GXYLT1: variants seen among roughly 807,000 people sequenced by gnomAD.
GXYLT1 encodes the protein glucoside xylosyltransferase 1.
A neutral mutation model predicts 54.0 loss-of-function variants in GXYLT1; 29 were observed. That is an observed-to-expected ratio of 0.54 (90% CI 0.40 to 0.73). The LOEUF (loss-of-function observed/expected upper bound fraction) is 0.73. GXYLT1 is among the 30% of genes least tolerant of loss of function. The probability of loss-of-function intolerance (pLI) is 0.00; values close to 1 mark genes in which losing one functional copy is unlikely to be tolerated. For missense variants in GXYLT1, 490 were observed against 553.4 expected (o/e 0.89, Z 1.15); for synonymous variants, 176 against 204.1 (o/e 0.86, Z 1.17).
At position 42,082,023 on chromosome 12, in the gene GXYLT1, C is replaced by T. The variant is rs142349113; in HGVS notation, c.*5763G>A. On this transcript the variant is annotated 3_prime_UTR_variant, in exon 8 of 8. Transcript: ENST00000398675. Reference sequence around the variant, plus strand: ...CTCCTTTAATAACTGTCAAAATACACCAAATACTTAGAGGAAAATATTCAC... The same window carrying T: ...CTCCTTTAATAACTGTCAAAATACATCAAATACTTAGAGGAAAATATTCAC... The T allele has an allele frequency of 9.2e-5, 14 of 152,188 alleles. No individual in the cohort carries two copies. Among genetic ancestry groups the T allele is most frequent in the African/African-American group, 3.4e-4 (14 of 41,522 alleles). 9.4% of individuals were successfully genotyped at this position (152,188 alleles called of 1,614,324 possible). A position where few individuals can be genotyped will look rare whatever the true frequency, so the allele number is the denominator to read the frequency against.
At position 42,133,193 on chromosome 12, in the gene GXYLT1, G is replaced by A. The variant is rs545054033; in HGVS notation, c.222-3342C>T. Among the ~76,000 whole-genome samples, 20 of 152,088 alleles carry A rather than the reference G, an allele frequency of 1.3e-4. No homozygotes were observed. In the East Asian group the frequency reaches 1.5e-3, roughly 12 times the overall value. On this transcript the variant is annotated intron_variant, in intron 1 of 7. Transcript: ENST00000398675. ...CTCAGGAGGCTGAGGCAGGAGAATCGCTTGAACCCAGGAGGCGGAGGTTTC... is the reference window on the plus strand; with the variant it reads ...CTCAGGAGGCTGAGGCAGGAGAATCACTTGAACCCAGGAGGCGGAGGTTTC...
Position 42,087,759 on chromosome 12 carries a change from T to G in GXYLT1, c.*27A>C, listed in dbSNP as rs775958421. 7 of 1,521,854 alleles carry G rather than the reference T, an allele frequency of 4.6e-6. No homozygotes were observed. 94.3% of individuals were successfully genotyped at this position (1,521,854 alleles called of 1,614,324 possible). On this transcript the variant is annotated 3_prime_UTR_variant, in exon 8 of 8. Coordinates refer to ENST00000398675, the MANE Select transcript of GXYLT1 (RefSeq NM_173601.2). Reference sequence around the variant, plus strand: ...CTTATCTTCTGATTCTTTGTTTTCATCCATTTGATTAAGCAGTCACCAAGA... The same window carrying G: ...CTTATCTTCTGATTCTTTGTTTTCAGCCATTTGATTAAGCAGTCACCAAGA...
chr12:42,136,149 A>T (rs1355418497), intron 1 of GXYLT1, among the ~76,000 whole-genome samples: 3 of 152,240 alleles, frequency 2.0e-5, no homozygotes. Flanking sequence ...ATTTAGATAA[A>T]GAGTAGAAAC....
At position 42,088,043 on chromosome 12, in the gene GXYLT1, T is replaced by G. The variant is rs1592098449; in HGVS notation, c.1162-96A>C. Reference sequence around the variant, plus strand: ...CCAAACTTCTTCAATCAGTTTAATATGAACGATCTCCATTTAACGTCTCAC... The same window carrying G: ...CCAAACTTCTTCAATCAGTTTAATAGGAACGATCTCCATTTAACGTCTCAC... On this transcript the variant is annotated intron_variant, in intron 7 of 7. Transcript: ENST00000398675. 1.1e-5 allele frequency: 6 copies of G among 550,888 alleles called. No individual in the cohort carries two copies. The East Asian group carries it at 2.0e-4, about 18-fold the overall frequency. The allele number at this position is 550,888 out of a possible 1,614,324, so 34.1% of individuals were successfully genotyped here.
Position 42,087,780 on chromosome 12 carries a change from C to A in GXYLT1, c.*6G>T. ...TTCATCCATTTGATTAAGCAGTCACCAAGAATCACTTTTCCTTTGGTGATC... is the reference window on the plus strand; with the variant it reads ...TTCATCCATTTGATTAAGCAGTCACAAAGAATCACTTTTCCTTTGGTGATC... On this transcript the variant is annotated 3_prime_UTR_variant, in exon 8 of 8. Coordinates refer to ENST00000398675, the MANE Select transcript of GXYLT1 (RefSeq NM_173601.2). The A allele has an allele frequency of 6.3e-7, 1 of 1,588,202 alleles. No homozygotes were observed. The highest frequency in any genetic ancestry group is 1.3e-5 in the African/African-American group (1 of 74,082).
Position 42,105,943 on chromosome 12 carries a change from C to G in GXYLT1, c.739G>C (p.Glu247Gln), listed in dbSNP as rs1001411255. ...CATCCTATTCGAGGTTCCTCATGTT[C>G]TGGTGCCATTGCAGCAATTTGTGTG... ...NSTQIAAMAPEHEEPRIGWYN... is the reference protein window; with the variant it reads ...NSTQIAAMAPQHEEPRIGWYN... Residue 247 changes from glutamate to glutamine, a missense_variant, in exon 5 of 8, where the codon GAA becomes CAA. Glu to Gln is a conservative substitution (Grantham distance 29). Around this residue, in one of 2 missense-constraint regions of GXYLT1, gnomAD observed 342 missense variants for 342.6 expected, o/e 1.00. Coordinates refer to ENST00000398675, the MANE Select transcript of GXYLT1 (RefSeq NM_173601.2). 1.2e-6 allele frequency: 2 copies of G among 1,613,982 alleles called. No individual in the cohort carries two copies. The highest frequency in any genetic ancestry group is 2.7e-5 in the African/African-American group (2 of 74,938).
At chr12:42,113,611 G>A (rs1365178437) in intron 3 of GXYLT1, among the ~76,000 whole-genome samples, 1 of 150,842 alleles carries the variant, frequency 6.6e-6, no homozygotes, top group Admixed American at 6.6e-5. Flanking sequence ...ACCCAATACA[G>A]GAGCACCCAG....
At position 42,085,101 on chromosome 12, in the gene GXYLT1, A is replaced by C. The variant is rs1172177807; in HGVS notation, c.*2685T>G. On this transcript the variant is annotated 3_prime_UTR_variant, in exon 8 of 8. Transcript: ENST00000398675. ...CAAGAACTGCATTTCTTTAGAATTC[A>C]AAAGAATTACCTTGTCTAAAGATAA... 4 of 152,280 alleles carry C rather than the reference A, an allele frequency of 2.6e-5. No homozygotes were observed. The highest frequency in any genetic ancestry group is 5.9e-5 in the Non-Finnish European group (4 of 68,048). The allele number at this position is 152,280 out of a possible 1,614,324, so 9.4% of individuals were successfully genotyped here.
At chr12:42,129,560 A>G (rs2065582429) in intron 2 of GXYLT1, among the ~76,000 whole-genome samples, 199 bp downstream of exon 2, 1 of 152,346 alleles carries the variant, frequency 6.6e-6, no homozygotes, top group Admixed American at 6.5e-5. Context: ...CATCTAAGAA[A>G]ATTTAAAGCA....
chr12:42,143,615 G>C (rs2065663497), intron 1 of GXYLT1, among the ~76,000 whole-genome samples: 1 of 152,190 alleles, frequency 6.6e-6, no homozygotes, highest in African/African-American at 2.4e-5. Context: ...ACATAAGGTG[G>C]AAGTGTCCAT....
At chr12:42,128,215 T>A (rs2065574308) in intron 2 of GXYLT1, among the ~76,000 whole-genome samples, 1 of 152,186 alleles carries the variant, frequency 6.6e-6, no homozygotes, top group Non-Finnish European at 1.5e-5. Flanking sequence ...CAGATAATTA[T>A]GTTTATTTCA....
intron 1 of GXYLT1, among the ~76,000 whole-genome samples, chr12:42,135,274 C>A (rs1028781737): frequency 3.9e-5 from 6 of 152,142 alleles, no homozygotes; most frequent in Admixed American, 3.9e-4. Flanking sequence ...ATATATCAAG[C>A]AAAGTCATAG....
intron 4 of GXYLT1, among the ~76,000 whole-genome samples, chr12:42,107,925 T>A (rs1420564559): frequency 6.6e-6 from 1 of 152,194 alleles, no homozygotes; most frequent in Non-Finnish European, 1.5e-5. Flanking sequence ...TAATCACCTA[T>A]GTATAGTTCT....
At chr12:42,114,775 T>C (rs1369262621) in intron 3 of GXYLT1, among the ~76,000 whole-genome samples, 1 of 152,194 alleles carries the variant, frequency 6.6e-6, no homozygotes, top group Non-Finnish European at 1.5e-5. Context: ...CCCTAACTCA[T>C]TTTATGAGGC....
At chr12:42,088,669 A>T (rs2136869980) in intron 7 of GXYLT1, among the ~76,000 whole-genome samples, 1 of 152,338 alleles carries the variant, frequency 6.6e-6, no homozygotes, top group South Asian at 2.1e-4. Flanking sequence ...AAGTGGAAAT[A>T]ATAAGTAATC....
rs566464254 is a variant in GXYLT1, at chr12:42,087,829, T to C, written c.1280A>G (p.Lys427Arg). 177 of 1,607,290 alleles carry C rather than the reference T, an allele frequency of 1.1e-4. 1 individual carries two copies. The highest frequency in any genetic ancestry group is 1.2e-4 in the Non-Finnish European group (143 of 1,177,540). The change falls in exon 8 of 8, where the codon AAA becomes AGA. Residue 427 changes from lysine to arginine, a missense_variant. Lys to Arg is a conservative substitution (Grantham distance 26, BLOSUM62 2). Around this residue, in one of 2 missense-constraint regions of GXYLT1, gnomAD observed 342 missense variants for 342.6 expected, o/e 1.00. Transcript: ENST00000398675. Reference protein sequence around the residue: ...IYKIFIKQLAKSVRDRYARSP... With the variant: ...IYKIFIKQLARSVRDRYARSP... Reference sequence around the variant, plus strand: ...TCTGGCATAACGATCTCTTACACTTTTTGCTAGTTGTTTGATAAATATTTT... The same window carrying C: ...TCTGGCATAACGATCTCTTACACTTCTTGCTAGTTGTTTGATAAATATTTT...
rs2065583885 is a variant in GXYLT1, at chr12:42,129,747, T to G, written c.314+12A>C. On this transcript the variant is annotated intron_variant, in intron 2 of 7. Transcript: ENST00000398675. ...TCTACACTGATCTACCAATTAAATATTAAGTGCCTACCTAAAAGCCGCTTC... is the reference window on the plus strand; with the variant it reads ...TCTACACTGATCTACCAATTAAATAGTAAGTGCCTACCTAAAAGCCGCTTC... The G allele has an allele frequency of 6.3e-7, 1 of 1,576,574 alleles. No individual in the cohort carries two copies. Among genetic ancestry groups the G allele is most frequent in the Non-Finnish European group, 8.7e-7 (1 of 1,146,188 alleles).
At chr12:42,101,444 A>G (rs1421053819) in intron 5 of GXYLT1, among the ~76,000 whole-genome samples, 1 of 152,250 alleles carries the variant, frequency 6.6e-6, no homozygotes, top group Non-Finnish European at 1.5e-5. Flanking sequence ...TCATACACAC[A>G]TTAAAAATGT....
Position 42,144,719 on chromosome 12 carries a change from C to T in GXYLT1, c.-73G>A, listed in dbSNP as rs982464567. 10 of 1,169,508 alleles carry T rather than the reference C, an allele frequency of 8.6e-6. No homozygotes were observed. The highest frequency in any genetic ancestry group is 9.9e-6 in the Non-Finnish European group (9 of 907,200). 72.4% of individuals were successfully genotyped at this position (1,169,508 alleles called of 1,614,324 possible). On this transcript the variant is annotated 5_prime_UTR_variant, in exon 1 of 8. It adds an upstream start codon to the 5' untranslated region. Coordinates refer to ENST00000398675, the MANE Select transcript of GXYLT1 (RefSeq NM_173601.2). ...ACGAACTGGAGCGGAGGGAGGGGCACCGCGCAGCCGCGGGCGCAACAAGTT... is the reference window on the plus strand; with the variant it reads ...ACGAACTGGAGCGGAGGGAGGGGCATCGCGCAGCCGCGGGCGCAACAAGTT...
Sources: allele counts gnomAD v4.1 joint callset (sites outside exome capture counted in the v4.1 genomes callset), GRCh38; gene constraint gnomAD v4.1.1; regional missense constraint gnomAD v4.1.1; transcripts MANE v1.5; gene names NCBI Gene and HGNC (gene_info 2026-07-23, HGNC 2026-07-21).